The following SYT16 variants were observed in gnomAD, a reference collection of about 807,000 sequenced individuals.
The protein encoded by SYT16 is synaptotagmin-16.
Under a neutral mutation model 61.4 loss-of-function variants are expected in SYT16, and 42 were observed. The observed-to-expected ratio is 0.68, with a 90% confidence interval of 0.53 to 0.89. The LOEUF (loss-of-function observed/expected upper bound fraction) is 0.89, where lower values mean the gene tolerates loss of function less well. SYT16 is among the 40% of genes least tolerant of loss of function. The pLI is 0.00. For synonymous variants in SYT16, 314 were observed against 302.3 expected, an observed-to-expected ratio of 1.04 and a Z score of -0.40; for missense variants, 804 against 807.3, an observed-to-expected ratio of 1.00 and a Z score of 0.05.
At chr14:61,935,249 C>T (rs552287442) in intron 1 of SYT16, among the ~76,000 whole-genome samples, 6 of 152,268 alleles carry the variant, frequency 3.9e-5, no homozygotes, top group Admixed American at 6.5e-5. Context: ...CAAGGCCCTG[C>T]GGTGATTGAA....
chr14:61,851,671 G>A (rs2140272220), intron 1 of SYT16, among the ~76,000 whole-genome samples: 1 of 152,268 alleles, frequency 6.6e-6, no homozygotes, highest in South Asian at 2.1e-4. Flanking sequence ...GTGATGTTGA[G>A]CTTTGTTTCA....
chr14:62,071,960 C>A (rs920361941), intron 4 of SYT16, among the ~76,000 whole-genome samples: 13 of 152,118 alleles, frequency 8.5e-5, no homozygotes, highest in Admixed American at 8.5e-4. Flanking sequence ...ATGTTCCAGG[C>A]AAGTTCTCTT....
intron 1 of SYT16, among the ~76,000 whole-genome samples, chr14:61,835,002 C>A (rs1007715288): frequency 6.6e-6 from 1 of 152,024 alleles, no homozygotes; most frequent in Non-Finnish European, 1.5e-5. Context: ...AGAAACTTAC[C>A]TTTTTATAAA....
intron 3 of SYT16, among the ~76,000 whole-genome samples, chr14:62,039,879 G>A (rs2799818): frequency 0.035 from 1,617 of 46,086 alleles, 19 homozygotes; most frequent in South Asian, 0.14. Context: ...ACACACACAC[G>A]CACATACACA....
At chr14:61,938,649 A>G (rs146505308) in intron 1 of SYT16, among the ~76,000 whole-genome samples, 1 of 152,348 alleles carries the variant, frequency 6.6e-6, no homozygotes, top group Non-Finnish European at 1.5e-5. Flanking sequence ...CTTAAGAGAC[A>G]AGCAAAGGAA....
intron 1 of SYT16, among the ~76,000 whole-genome samples, chr14:61,857,985 T>G (rs911505217): frequency 2.0e-5 from 3 of 151,788 alleles, no homozygotes; most frequent in Non-Finnish European, 4.4e-5. Flanking sequence ...TCTCTGTAGA[T>G]CATACATTCA....
Position 61,827,758 on chromosome 14 carries a change from A to G in SYT16, c.-325+14948A>G, listed in dbSNP as rs74886247. Among the ~76,000 whole-genome samples the G allele has an allele frequency of 9.5e-4, 144 of 152,324 alleles. 3 individuals are homozygous for G. In the East Asian group the frequency reaches 0.026, roughly 28 times the overall value. ...AAGTGGAGTAGGAACTACACTGTAC[A>G]TACTGAACTTCTGTCTACTTAGAAT... On this transcript the variant is annotated intron_variant, in intron 1 of 7. Coordinates refer to ENST00000683842, the MANE Select transcript of SYT16 (RefSeq NM_001367656.1).
At chr14:61,878,018 C>A (rs773353235) in intron 1 of SYT16, among the ~76,000 whole-genome samples, 6 of 152,142 alleles carry the variant, frequency 3.9e-5, no homozygotes, top group Non-Finnish European at 7.3e-5. Context: ...AGTATACCTG[C>A]CCTGGGCAAG....
chr14:61,848,255 C>T (rs2046502786), intron 1 of SYT16, among the ~76,000 whole-genome samples: 2 of 152,142 alleles, frequency 1.3e-5, no homozygotes, highest in Admixed American at 6.5e-5. Flanking sequence ...AGCGTTTGGT[C>T]ACTGAAGCCG....
intron 7 of SYT16, 27 bp from the exon 8 acceptor site, chr14:62,100,367 C>T (rs1191859661): frequency 6.5e-7 from 1 of 1,535,710 alleles, no homozygotes; most frequent in Non-Finnish European, 8.8e-7. Context: ...TTATCATCCC[C>T]ACCCCACCCT....
chr14:61,985,086 G>A (rs2052245699), intron 2 of SYT16, among the ~76,000 whole-genome samples: 1 of 152,082 alleles, frequency 6.6e-6, no homozygotes, highest in Admixed American at 6.6e-5. Flanking sequence ...AGACACAGAA[G>A]CATTGAGAAT....
At chr14:62,052,149 A>G (rs1182116513) in intron 3 of SYT16, among the ~76,000 whole-genome samples, 1 of 152,132 alleles carries the variant, frequency 6.6e-6, no homozygotes, top group Non-Finnish European at 1.5e-5. Context: ...TCTTAAGTTG[A>G]CCATTTATCA....
chr14:62,082,247 A>G (rs1171722571), intron 6 of SYT16, among the ~76,000 whole-genome samples: 1 of 152,102 alleles, frequency 6.6e-6, no homozygotes, highest in Non-Finnish European at 1.5e-5. Context: ...AGAACAAAGG[A>G]GACAGAAAGT....
At chr14:62,047,639 G>A (rs1390401949) in intron 3 of SYT16, among the ~76,000 whole-genome samples, 3 of 147,296 alleles carry the variant, frequency 2.0e-5, no homozygotes. Context: ...ATTATTTTGA[G>A]ATATGTCCCA....
intron 3 of SYT16, among the ~76,000 whole-genome samples, chr14:62,065,913 T>C (rs2056041466): frequency 6.6e-6 from 1 of 152,136 alleles, no homozygotes; most frequent in Non-Finnish European, 1.5e-5. Context: ...CTTATTGGAG[T>C]AATGCTGGGA....
chr14:61,860,973 G>T (rs895096824), intron 1 of SYT16, among the ~76,000 whole-genome samples: 1 of 152,170 alleles, frequency 6.6e-6, no homozygotes, highest in African/African-American at 2.4e-5. Flanking sequence ...GCAATCGGAG[G>T]AGGGTGAGAG....
intron 1 of SYT16, among the ~76,000 whole-genome samples, chr14:61,875,132 C>T (rs1319937622): frequency 1.3e-5 from 2 of 152,192 alleles, no homozygotes; most frequent in Non-Finnish European, 2.9e-5. Flanking sequence ...GATTCATAAG[C>T]AGATTACAGT....
At chr14:62,090,738 A>G (rs148355492) in intron 7 of SYT16, among the ~76,000 whole-genome samples, 2 of 152,338 alleles carry the variant, frequency 1.3e-5, no homozygotes, top group African/African-American at 4.8e-5. Context: ...ATGGTGTATT[A>G]GTCTGTTTTT....
chr14:61,861,300 C>T (rs932876237), intron 1 of SYT16, among the ~76,000 whole-genome samples: 6 of 152,148 alleles, frequency 3.9e-5, no homozygotes, highest in African/African-American at 1.4e-4. Context: ...AATTAAGTGG[C>T]AAAATTTACT....
Sources: allele counts gnomAD v4.1 joint callset (sites outside exome capture counted in the v4.1 genomes callset), GRCh38; gene constraint gnomAD v4.1.1; transcripts MANE v1.5; gene names NCBI Gene and HGNC (gene_info 2026-07-23, HGNC 2026-07-21).